Variants in ADAM32 observed in about 807,000 individuals in gnomAD.
ADAM32 encodes disintegrin and metalloproteinase domain-containing protein 32.
ADAM32 carries 89 observed loss-of-function variants against 114.9 expected under a neutral mutation model. That is an observed-to-expected ratio of 0.77 (90% CI 0.65 to 0.92). ADAM32 has a LOEUF of 0.92. Ranked by LOEUF, ADAM32 falls within the 40% of genes least tolerant of loss-of-function variation. The pLI is 0.00. For missense variants in ADAM32, 870 were observed against 932.8 expected, an observed-to-expected ratio of 0.93 and a Z score of 0.88; for synonymous variants, 285 against 307.5, an observed-to-expected ratio of 0.93 and a Z score of 0.77.
intron 24 of ADAM32, among the ~76,000 whole-genome samples, 189 bp downstream of exon 24, chr8:39,283,813 G>A (rs1160264173): frequency 1.5e-5 from 2 of 132,220 alleles, no homozygotes; most frequent in African/African-American, 2.8e-5. Context: ...TTGCTCTGTC[G>A]ACCAGGCTGG....
chr8:39,194,585 G>T (rs1051120199), intron 11 of ADAM32, among the ~76,000 whole-genome samples: 13 of 152,152 alleles, frequency 8.5e-5, no homozygotes, highest in African/African-American at 3.1e-4. Context: ...GGGCTGCTCT[G>T]CTGGTCAGAT....
At chr8:39,239,065 G>A (rs937458958) in intron 16 of ADAM32, among the ~76,000 whole-genome samples, 4 of 152,050 alleles carry the variant, frequency 2.6e-5, no homozygotes, top group African/African-American at 9.7e-5. Context: ...CAAGAACCTC[G>A]AAGAATACCT....
chr8:39,183,836 G>A (rs1433530319), intron 10 of ADAM32, among the ~76,000 whole-genome samples: 3 of 152,190 alleles, frequency 2.0e-5, no homozygotes, highest in East Asian at 1.9e-4. Flanking sequence ...TGTGACCCTG[G>A]TCAGAAACAA....
chr8:39,235,211 A>G lies in ADAM32; in HGVS notation c.1818+1129A>G, dbSNP rs144134533. Among the ~76,000 whole-genome samples the G allele has an allele frequency of 9.3e-3, 1,423 of 152,304 alleles. 17 individuals carry two copies. The highest frequency in any genetic ancestry group is 0.085 in the Middle Eastern group (25 of 294). ...GCTCATAGGGAAATATAAAAAGTGT[A>G]AAGTGTAGGCTTTAAAGATAGATGT... On this transcript the variant is annotated intron_variant, in intron 16 of 24. Transcript: ENST00000379907.
chr8:39,180,333 G>A (rs1008010782), intron 10 of ADAM32, among the ~76,000 whole-genome samples: 3 of 152,216 alleles, frequency 2.0e-5, no homozygotes, highest in Admixed American at 1.3e-4. Context: ...TTTCTCGCCG[G>A]GCCTTAGCTG....
At chr8:39,274,193 T>G in intron 20 of ADAM32, 119 bp from the exon 21 acceptor site, 4 of 922,342 alleles carry the variant, frequency 4.3e-6, no homozygotes, top group Non-Finnish European at 5.1e-6. Flanking sequence ...TCATTTTATT[T>G]ATTAGTAATT....
chr8:39,164,634 C>T, intron 7 of ADAM32, 130 bp from the exon 8 acceptor site: 1 of 593,820 alleles, frequency 1.7e-6, no homozygotes, highest in Non-Finnish European at 2.8e-6. Flanking sequence ...TCAGTTTTTA[C>T]TTATTAATGT....
intron 12 of ADAM32, among the ~76,000 whole-genome samples, chr8:39,220,395 G>A (rs1808877188): frequency 6.6e-6 from 1 of 151,848 alleles, no homozygotes; most frequent in Non-Finnish European, 1.5e-5. Context: ...TATTCAACTT[G>A]CACTTAGAGT....
chr8:39,249,462 G>C (rs1811149732), intron 17 of ADAM32, among the ~76,000 whole-genome samples: 1 of 152,016 alleles, frequency 6.6e-6, no homozygotes, highest in Non-Finnish European at 1.5e-5. Context: ...TCCATTTCTT[G>C]TAATATTTTT....
chr8:39,117,871 T>C (rs1840441431), intron 1 of ADAM32, among the ~76,000 whole-genome samples: 2 of 152,240 alleles, frequency 1.3e-5, no homozygotes, highest in South Asian at 4.1e-4. Flanking sequence ...GAACCACACA[T>C]TTTGTGCGAG....
At chr8:39,148,849 A>T (rs1186025858) in intron 4 of ADAM32, among the ~76,000 whole-genome samples, 1 of 152,144 alleles carries the variant, frequency 6.6e-6, no homozygotes, top group Non-Finnish European at 1.5e-5. Context: ...ATTGGAAATT[A>T]TATAATTTTC....
At position 39,219,251 on chromosome 8, in the gene ADAM32, A is replaced by G. The variant is rs189811485; in HGVS notation, c.1234-2359A>G. Among the ~76,000 whole-genome samples, 4 of 152,194 alleles carry G rather than the reference A, an allele frequency of 2.6e-5. No homozygotes were observed. In the East Asian group the frequency reaches 7.7e-4, roughly 29 times the overall value. On this transcript the variant is annotated intron_variant, in intron 12 of 24. Transcript: ENST00000379907. ...GGAAGGATGGCACAAGTGTTCTCTT[A>G]GCTTCCCTGGCTGGTGTCTCTACAG...
intron 10 of ADAM32, among the ~76,000 whole-genome samples, chr8:39,175,591 G>A (rs548417232): frequency 6.6e-6 from 1 of 152,256 alleles, no homozygotes; most frequent in Admixed American, 6.5e-5. Flanking sequence ...GTATTTTATT[G>A]AGGATTTTTG....
At chr8:39,249,592 T>C (rs1009789140) in intron 17 of ADAM32, among the ~76,000 whole-genome samples, 2 of 152,178 alleles carry the variant, frequency 1.3e-5, no homozygotes, top group African/African-American at 4.8e-5. Context: ...AATTTCTCCC[T>C]TAAGTGTTAG....
intron 11 of ADAM32, among the ~76,000 whole-genome samples, chr8:39,199,681 T>C (rs1187260131): frequency 1.3e-5 from 2 of 152,136 alleles, no homozygotes; most frequent in Non-Finnish European, 2.9e-5. Context: ...TGCAGGTTTG[T>C]TACATATGTA....
At chr8:39,261,806 G>A (rs1812049489) in intron 19 of ADAM32, among the ~76,000 whole-genome samples, 1 of 152,046 alleles carries the variant, frequency 6.6e-6, no homozygotes, top group Non-Finnish European at 1.5e-5. Flanking sequence ...TATTAGTGAT[G>A]TTGAACATTT....
chr8:39,231,021 T>C (rs1476318728), intron 14 of ADAM32, among the ~76,000 whole-genome samples: 2 of 152,144 alleles, frequency 1.3e-5, no homozygotes, highest in African/African-American at 2.4e-5. Flanking sequence ...ATTCCCTCCC[T>C]TTGAGTTGGG....
intron 2 of ADAM32, 71 bp downstream of exon 2, chr8:39,118,236 A>G (rs1840458061): frequency 1.1e-6 from 1 of 906,974 alleles, no homozygotes; most frequent in South Asian, 2.5e-5. Flanking sequence ...GCTATGAAAT[A>G]TGTCAAGCCC....
chr8:39,270,257 G>A (rs1812632322), intron 19 of ADAM32, among the ~76,000 whole-genome samples: 1 of 152,128 alleles, frequency 6.6e-6, no homozygotes, highest in East Asian at 1.9e-4. Flanking sequence ...AGTGTGAACT[G>A]GGGTCCTGAA....
Sources: gnomAD v4.1 joint callset for allele counts (sites outside exome capture counted in the v4.1 genomes callset) on GRCh38, gnomAD v4.1.1 for gene constraint, MANE v1.5 for transcripts, NCBI Gene and HGNC (gene_info 2026-07-23, HGNC 2026-07-21) for gene names.